The following RABGEF1 variants were observed in gnomAD, a reference collection of about 807,000 sequenced individuals.
The protein encoded by RABGEF1 is RAB guanine nucleotide exchange factor 1, also known as rab5 GDP/GTP exchange factor.
Under a neutral mutation model 57.3 loss-of-function variants are expected in RABGEF1, and 26 were observed. The ratio of observed to expected loss-of-function variants is 0.45; its 90% CI spans 0.33 to 0.63. The LOEUF is 0.63. Ranked by LOEUF, RABGEF1 falls within the 20% of genes least tolerant of loss-of-function variation. The probability of loss-of-function intolerance (pLI) is 0.02; values close to 1 mark genes in which losing one functional copy is unlikely to be tolerated. For synonymous variants in RABGEF1, 185 were observed against 210.7 expected, an observed-to-expected ratio of 0.88 and a Z score of 1.06; for missense variants, 464 against 607.6, an observed-to-expected ratio of 0.76 and a Z score of 2.48.
At chr7:66,763,533 T>C (rs944478712) in intron 1 of RABGEF1, among the ~76,000 whole-genome samples, 3 of 152,262 alleles carry the variant, frequency 2.0e-5, no homozygotes, top group African/African-American at 7.2e-5. Flanking sequence ...TATTGAGGTA[T>C]AATTCACATA....
At chr7:66,707,556 C>T (rs1377671335) in intron 1 of RABGEF1, among the ~76,000 whole-genome samples, 2 of 152,048 alleles carry the variant, frequency 1.3e-5, no homozygotes, top group African/African-American at 2.4e-5. Context: ...GTCGTGGTGG[C>T]ACACACCTGT....
intron 2 of RABGEF1, among the ~76,000 whole-genome samples, chr7:66,719,039 G>A (rs189026911): frequency 6.6e-6 from 1 of 152,310 alleles, no homozygotes; most frequent in East Asian, 1.9e-4. Flanking sequence ...GCACTCTTGG[G>A]GCCACAGACT....
At chr7:66,779,261 T>C (rs1809286579) in intron 3 of RABGEF1, among the ~76,000 whole-genome samples, 1 of 152,152 alleles carries the variant, frequency 6.6e-6, no homozygotes, top group Non-Finnish European at 1.5e-5. Flanking sequence ...CCCAGCACTT[T>C]GGGAGGCCGA....
intron 1 of RABGEF1, among the ~76,000 whole-genome samples, chr7:66,742,036 A>G (rs973833148): frequency 6.6e-6 from 1 of 152,000 alleles, no homozygotes; most frequent in African/African-American, 2.4e-5. Context: ...CTGTAGTCCC[A>G]GCTACTCTGG....
chr7:66,800,574 C>G (rs141720924), intron 7 of RABGEF1, among the ~76,000 whole-genome samples: 2,868 of 152,248 alleles, frequency 0.019, 48 homozygotes, highest in Non-Finnish European at 0.027. Flanking sequence ...GTCATGACTA[C>G]TCTGCCCCCC....
chr7:66,793,559 G>T (rs1457607037), intron 4 of RABGEF1, among the ~76,000 whole-genome samples: 1 of 152,172 alleles, frequency 6.6e-6, no homozygotes, highest in Non-Finnish European at 1.5e-5. Flanking sequence ...TAAGTTAAGT[G>T]CTAAAATTTG....
intron 1 of RABGEF1, among the ~76,000 whole-genome samples, chr7:66,701,202 G>A (rs1793207156): frequency 6.6e-6 from 1 of 152,188 alleles, no homozygotes; most frequent in African/African-American, 2.4e-5. Context: ...GATTTCATCC[G>A]AGAAGTAACA....
intron 1 of RABGEF1, among the ~76,000 whole-genome samples, chr7:66,756,286 A>G (rs1802694899): frequency 6.6e-6 from 1 of 152,218 alleles, no homozygotes; most frequent in South Asian, 2.1e-4. Context: ...CGATAATGCT[A>G]TGCTTATGAG....
chr7:66,774,368 G>A (rs760463787), intron 2 of RABGEF1, among the ~76,000 whole-genome samples: 2 of 152,286 alleles, frequency 1.3e-5, no homozygotes, highest in South Asian at 4.1e-4. Flanking sequence ...AGATCTGACA[G>A]CGATAACTCC....
intron 1 of RABGEF1, among the ~76,000 whole-genome samples, chr7:66,708,986 C>G (rs980372009): frequency 2.0e-5 from 3 of 151,388 alleles, no homozygotes; most frequent in African/African-American, 7.3e-5. Flanking sequence ...CTACTTGATT[C>G]TGCATCAGTA....
chr7:66,751,164 G>T (rs1398282444), intron 1 of RABGEF1, among the ~76,000 whole-genome samples: 1 of 151,864 alleles, frequency 6.6e-6, no homozygotes, highest in Non-Finnish European at 1.5e-5. Context: ...CTGAGTAGCT[G>T]GAATTACAGA....
chr7:66,738,030 T>TTTTTTTTTTTTTTTTTTGTTTTTG (rs1562756395), upstream of RABGEF1, among the ~76,000 whole-genome samples: 1 of 146,890 alleles, frequency 6.8e-6, no homozygotes, highest in Non-Finnish European at 1.5e-5. Context: ...TTTGTTTTTT[T>TTTTTTTTTTTTTTTTTTGTTTTTG]TTTTTTTTGA....
chr7:66,742,772 G>T (rs1585086720), intron 1 of RABGEF1, among the ~76,000 whole-genome samples: 1 of 152,066 alleles, frequency 6.6e-6, no homozygotes, highest in African/African-American at 2.4e-5. Flanking sequence ...ACACCCAGCT[G>T]ATTTTTAAAT....
At chr7:66,762,061 A>G (rs892158304) in intron 1 of RABGEF1, among the ~76,000 whole-genome samples, 1 of 151,602 alleles carries the variant, frequency 6.6e-6, no homozygotes, top group Non-Finnish European at 1.5e-5. Flanking sequence ...CTCAAAAAAA[A>G]ACAAAAAAAC....
chr7:66,658,399 G>A, the RABGEF1 span, among the ~76,000 whole-genome samples: 1 of 152,130 alleles, frequency 6.6e-6, no homozygotes, highest in Non-Finnish European at 1.5e-5. Flanking sequence ...TGGGTGTGGT[G>A]GCAGGCGCCT....
chr7:66,668,342 C>T, the RABGEF1 span, among the ~76,000 whole-genome samples: 1 of 152,210 alleles, frequency 6.6e-6, no homozygotes, highest in East Asian at 1.9e-4. Flanking sequence ...AGCCATCCTT[C>T]TACCTCAGCC....
intron 1 of RABGEF1, among the ~76,000 whole-genome samples, chr7:66,764,961 T>TA (rs1424516002): frequency 1.3e-5 from 2 of 152,222 alleles, no homozygotes; most frequent in Non-Finnish European, 2.9e-5. Flanking sequence ...TTCTGCATTT[T>TA]AGAGTTCATG....
chr7:66,704,528 C>T (rs982219085), intron 1 of RABGEF1, among the ~76,000 whole-genome samples: 2 of 151,526 alleles, frequency 1.3e-5, no homozygotes, highest in African/African-American at 4.8e-5. Context: ...TTTAAATAGT[C>T]GGCCAGGTGC....
At chr7:66,716,482 T>C (rs879887088) in intron 2 of RABGEF1, among the ~76,000 whole-genome samples, 6 of 152,078 alleles carry the variant, frequency 3.9e-5, no homozygotes, top group Non-Finnish European at 8.8e-5. Context: ...GTGCCTGTAG[T>C]CCTAGCTACT....
Sources: allele counts gnomAD v4.1 joint callset (sites outside exome capture counted in the v4.1 genomes callset), GRCh38; gene constraint gnomAD v4.1.1; transcripts MANE v1.5; gene names NCBI Gene and HGNC (gene_info 2026-07-23, HGNC 2026-07-21).